Variants in TRPM3 observed in about 807,000 individuals in gnomAD.
TRPM3 encodes the protein long transient receptor potential channel 3.
In TRPM3, 77 loss-of-function variants were observed where a neutral mutation model predicts 181.2. The observed-to-expected ratio is 0.42, with a 90% CI of 0.35 to 0.51. The LOEUF (loss-of-function observed/expected upper bound fraction) is 0.51, where lower values mean the gene tolerates loss of function less well. Among genes scored for constraint, TRPM3 ranks in the 20% least tolerant of loss-of-function variants. TRPM3 has a pLI of 0.01. For missense variants in TRPM3, 1,759 were observed against 2,196.7 expected, an observed-to-expected ratio of 0.80 and a Z score of 3.98; for synonymous variants, 745 against 796.4, an observed-to-expected ratio of 0.94 and a Z score of 1.09.
intron 1 of TRPM3, among the ~76,000 whole-genome samples, chr9:71,081,268 C>T (rs2064290501): frequency 6.6e-6 from 1 of 152,166 alleles, no homozygotes; most frequent in Non-Finnish European, 1.5e-5. Context: ...ACATGCAAGG[C>T]AATCTGTGGA....
intron 1 of TRPM3, among the ~76,000 whole-genome samples, chr9:71,118,213 C>T (rs1310057622): frequency 1.3e-5 from 2 of 152,174 alleles, no homozygotes; most frequent in Non-Finnish European, 2.9e-5. Flanking sequence ...TCCAGAAATT[C>T]ATTTCCAAGT....
At chr9:71,047,136 T>C (rs1461515595) in intron 1 of TRPM3, among the ~76,000 whole-genome samples, 3 of 152,120 alleles carry the variant, frequency 2.0e-5, no homozygotes, top group African/African-American at 7.2e-5. Context: ...GTGTAGAAAA[T>C]GAACTTAATG....
At chr9:70,606,406 G>A (rs1269545603) in intron 19 of TRPM3, among the ~76,000 whole-genome samples, 1 of 151,624 alleles carries the variant, frequency 6.6e-6, no homozygotes, top group African/African-American at 2.4e-5. Context: ...TTTAGCCCCT[G>A]CCTGTTTTTT....
intron 8 of TRPM3, among the ~76,000 whole-genome samples, chr9:70,749,469 T>G (rs2075759184): frequency 6.6e-6 from 1 of 152,072 alleles, no homozygotes; most frequent in Admixed American, 6.6e-5. Flanking sequence ...AGGCCATGAG[T>G]GCACCAATAA....
At chr9:70,972,794 A>C (rs553635266) in intron 1 of TRPM3, among the ~76,000 whole-genome samples, 19 of 152,244 alleles carry the variant, frequency 1.2e-4, no homozygotes, top group African/African-American at 4.3e-4. Context: ...GGCTTTGTTC[A>C]GTAAGAATTA....
chr9:71,335,762 A>G (rs1835618), intron 1 of TRPM3, among the ~76,000 whole-genome samples: 145,820 of 152,148 alleles, frequency 0.96, 69,953 homozygotes, highest in Non-Finnish European at 0.98. Context: ...AATGTCAGGT[A>G]TGGTCTAACA....
intron 12 of TRPM3, among the ~76,000 whole-genome samples, chr9:70,626,701 G>A (rs1231563559): frequency 6.6e-6 from 1 of 152,160 alleles, no homozygotes; most frequent in Non-Finnish European, 1.5e-5. Flanking sequence ...GGTAGTGGTA[G>A]ATTAGGCAGC....
intron 1 of TRPM3, among the ~76,000 whole-genome samples, chr9:70,929,394 G>A (rs2096752802): frequency 2.0e-5 from 3 of 152,078 alleles, no homozygotes; most frequent in Non-Finnish European, 2.9e-5. Flanking sequence ...TAGAGACGGA[G>A]TTTCACCATG....
chr9:71,299,310 T>A (rs780282347), intron 1 of TRPM3, among the ~76,000 whole-genome samples: 1 of 152,214 alleles, frequency 6.6e-6, no homozygotes, highest in Non-Finnish European at 1.5e-5. Context: ...TCACCCAAAA[T>A]TGACCTAAGA....
At chr9:71,362,931 G>A (rs1354479464) in intron 1 of TRPM3, among the ~76,000 whole-genome samples, 1 of 152,266 alleles carries the variant, frequency 6.6e-6, no homozygotes, top group East Asian at 1.9e-4. Flanking sequence ...ATTTCATTGG[G>A]ATTGCTGAAG....
intron 8 of TRPM3, among the ~76,000 whole-genome samples, chr9:70,749,232 A>T (rs1242397611): frequency 2.0e-5 from 3 of 152,138 alleles, no homozygotes; most frequent in Non-Finnish European, 4.4e-5. Context: ...TGATGTACTG[A>T]ATAAACAGAC....
intron 1 of TRPM3, among the ~76,000 whole-genome samples, chr9:71,139,232 T>G (rs966131989): frequency 6.6e-6 from 1 of 152,182 alleles, no homozygotes; most frequent in Non-Finnish European, 1.5e-5. Flanking sequence ...ATTAGATACG[T>G]TTTCCCACTA....
chr9:70,840,551 T>C (rs998753054), intron 5 of TRPM3, among the ~76,000 whole-genome samples: 4 of 151,890 alleles, frequency 2.6e-5, no homozygotes, highest in Non-Finnish European at 5.9e-5. Flanking sequence ...ACAATGTCAG[T>C]AAGTCCCATT....
At chr9:71,217,348 G>A (rs2079954709) in intron 1 of TRPM3, among the ~76,000 whole-genome samples, 2 of 152,186 alleles carry the variant, frequency 1.3e-5, no homozygotes, top group Non-Finnish European at 2.9e-5. Flanking sequence ...GCAACAGTCA[G>A]CTTGTTACAC....
intron 8 of TRPM3, among the ~76,000 whole-genome samples, chr9:70,683,946 A>AAGAT (rs1447137674): frequency 1.3e-5 from 2 of 152,182 alleles, no homozygotes; most frequent in Non-Finnish European, 2.9e-5. Context: ...TATGGTCTGA[A>AAGAT]AGATATTATC....
chr9:71,097,107 A>T (rs1380968085), intron 1 of TRPM3, among the ~76,000 whole-genome samples: 3 of 151,952 alleles, frequency 2.0e-5, no homozygotes, highest in African/African-American at 4.8e-5. Flanking sequence ...TGTCAGAAAG[A>T]CTCTAGGATG....
intron 1 of TRPM3, among the ~76,000 whole-genome samples, chr9:71,098,099 C>T (rs1341008079): frequency 6.6e-6 from 1 of 152,062 alleles, no homozygotes; most frequent in Non-Finnish European, 1.5e-5. Flanking sequence ...AATAGCTGTG[C>T]AGTCAACACT....
chr9:70,785,621 T>C (rs1422125035), intron 6 of TRPM3, among the ~76,000 whole-genome samples: 1 of 152,240 alleles, frequency 6.6e-6, no homozygotes, highest in Non-Finnish European at 1.5e-5. Flanking sequence ...TTTTATCTGA[T>C]ATCAAGAAAC....
chr9:70,571,367 G>A (rs55958741), intron 22 of TRPM3, among the ~76,000 whole-genome samples: 36,404 of 152,042 alleles, frequency 0.24, 4,910 homozygotes, highest in Admixed American at 0.31. Flanking sequence ...GCTGATATGT[G>A]TAAAGGTTTT....
Sources: gnomAD v4.1 joint callset for allele counts (sites outside exome capture counted in the v4.1 genomes callset) on GRCh38, gnomAD v4.1.1 for gene constraint, MANE v1.5 for transcripts, NCBI Gene and HGNC (gene_info 2026-07-23, HGNC 2026-07-21) for gene names.